Variants in MAP3K7 observed in about 807,000 individuals in gnomAD.
MAP3K7 encodes the protein TGF-beta activated kinase 1.
In MAP3K7, 21 loss-of-function variants were observed where a neutral mutation model predicts 84.8. The ratio of observed to expected loss-of-function variants is 0.25; its 90% confidence interval spans 0.18 to 0.36. MAP3K7 has a LOEUF of 0.36. Ranked by LOEUF, MAP3K7 falls within the 10% of genes least tolerant of loss-of-function variation. The pLI is 1.00. For synonymous variants in MAP3K7, 241 were observed against 247.7 expected (o/e 0.97, Z 0.25); for missense variants, 503 against 747.7 (o/e 0.67, Z 3.82).
chr6:90,546,340 T>C (rs1476170166), intron 11 of MAP3K7, among the ~76,000 whole-genome samples: 3 of 152,066 alleles, frequency 2.0e-5, no homozygotes, highest in Non-Finnish European at 4.4e-5. Context: ...GTTAGCTAAG[T>C]TAAAAAAGAT....
chr6:90,561,574 TC>T, intron 4 of MAP3K7, 47 bp downstream of exon 4: 4 of 1,410,218 alleles, frequency 2.8e-6, no homozygotes, highest in Non-Finnish European at 3.9e-6. Flanking sequence ...TTAAAATTTT[TC>T]AAATTATTTT....
chr6:90,559,721 G>C (rs973341790), intron 5 of MAP3K7, among the ~76,000 whole-genome samples: 3 of 152,154 alleles, frequency 2.0e-5, no homozygotes, highest in Admixed American at 2.0e-4. Flanking sequence ...AGGTGTTAGG[G>C]ACACAGCAAG....
intron 3 of MAP3K7, among the ~76,000 whole-genome samples, chr6:90,567,380 A>C (rs1582226840): frequency 6.6e-6 from 1 of 152,222 alleles, no homozygotes; most frequent in Non-Finnish European, 1.5e-5. Flanking sequence ...AAAATCAAAC[A>C]ACCCCATCAA....
chr6:90,516,450 TA>T lies in MAP3K7; in HGVS notation c.*50del, dbSNP rs200763682. ...CGTCATTATAAGGTTTTCCTTTCCT[TA>T]AAAAAAAAGTCTTTCTTTGCATATT... On this transcript the variant is annotated 3_prime_UTR_variant, in exon 17 of 17. Transcript: ENST00000369329. The T allele has an allele frequency of 3.8e-4, 578 of 1,532,832 alleles. 1 individual carries two copies. The highest frequency in any genetic ancestry group is 8.5e-4 in the Admixed American group (43 of 50,866). The allele number at this position is 1,532,832 out of a possible 1,614,324, so 95.0% of individuals were successfully genotyped here.
intron 2 of MAP3K7, among the ~76,000 whole-genome samples, chr6:90,569,420 T>C (rs1297798102): frequency 4.6e-5 from 7 of 152,198 alleles, no homozygotes; most frequent in Admixed American, 3.3e-4. Flanking sequence ...CAATGATCCA[T>C]ACAGAGGTCA....
chr6:90,556,603 C>A lies in MAP3K7; in HGVS notation c.504G>T (p.Gly168=), dbSNP rs35084747. ...KPPNLLLVAG[G]TVLKICDFGT... ...CAAAATCACAAATTTTTAGAACTGTCCCCCCTGCAACCAGCAGTAAGCTGT... is the reference window on the plus strand; with the variant it reads ...CAAAATCACAAATTTTTAGAACTGTACCCCCTGCAACCAGCAGTAAGCTGT... Residue 168 remains glycine, a synonymous_variant, in exon 6 of 17, where the codon GGG becomes GGT. Transcript: ENST00000369329. The A allele has an allele frequency of 3.1e-6, 5 of 1,608,830 alleles. No individual in the cohort carries two copies. Among genetic ancestry groups the A allele is most frequent in the Non-Finnish European group, 8.5e-7 (1 of 1,177,816 alleles).
At chr6:90,539,780 T>C (rs1192481651) in intron 12 of MAP3K7, among the ~76,000 whole-genome samples, 2 of 151,856 alleles carry the variant, frequency 1.3e-5, no homozygotes, top group Non-Finnish European at 2.9e-5. Flanking sequence ...CTAGATAATT[T>C]ATTTGCCAAT....
In MAP3K7 at chr6:90,516,799, G is replaced by A; in HGVS notation, c.1641-118C>T. 4.1e-6 allele frequency: 3 copies of A among 740,520 alleles called. No homozygotes were observed. The South Asian group carries it at 6.2e-5, about 15-fold the overall frequency. 45.9% of individuals were successfully genotyped at this position (740,520 alleles called of 1,614,324 possible). A position where few individuals can be genotyped will look rare whatever the true frequency, so the allele number is the denominator to read the frequency against. On this transcript the variant is annotated intron_variant, in intron 16 of 16. Coordinates refer to ENST00000369329, the MANE Select transcript of MAP3K7 (RefSeq NM_145331.3). The stretch of plus-strand genomic sequence containing the variant: ...CTTGGTTTATCATTTTGCATCTTAG[G>A]TACACTAATCAAATATAATTATGGG...
At chr6:90,575,510 C>T (rs943988600) in intron 1 of MAP3K7, among the ~76,000 whole-genome samples, 4 of 152,136 alleles carry the variant, frequency 2.6e-5, no homozygotes, top group Non-Finnish European at 5.9e-5. Context: ...AAGGGAGGCC[C>T]TAACCCGGGT....
chr6:90,523,296 G>C (rs1203819509), intron 14 of MAP3K7, among the ~76,000 whole-genome samples: 1 of 151,480 alleles, frequency 6.6e-6, no homozygotes. Context: ...AAGATGATGG[G>C]GATGATTTTT....
intron 13 of MAP3K7, among the ~76,000 whole-genome samples, chr6:90,534,088 T>C (rs958537083): frequency 3.9e-5 from 6 of 152,182 alleles, no homozygotes; most frequent in African/African-American, 1.2e-4. Flanking sequence ...AGTTTACAGA[T>C]GGAAATTCTA....
At chr6:90,547,175 A>T in intron 11 of MAP3K7, 83 bp downstream of exon 11, 1 of 1,515,902 alleles carries the variant, frequency 6.6e-7, no homozygotes, top group Non-Finnish European at 8.9e-7. Context: ...AGACACACAC[A>T]AAAAACCTTT....
chr6:90,568,457 C>T, intron 3 of MAP3K7, 101 bp downstream of exon 3: 6 of 868,982 alleles, frequency 6.9e-6, no homozygotes, highest in Non-Finnish European at 1.1e-5. Context: ...TTTTGAAAAA[C>T]TTAAAAAAAA....
At chr6:90,582,041 T>C (rs533576299) in intron 1 of MAP3K7, among the ~76,000 whole-genome samples, 108 of 152,328 alleles carry the variant, frequency 7.1e-4, no homozygotes, top group African/African-American at 2.2e-3. Context: ...TCCTACACTA[T>C]AGTTGAGGTC....
At chr6:90,568,503 C>G (rs112216759) in intron 3 of MAP3K7, 55 bp downstream of exon 3, 1 of 1,421,052 alleles carries the variant, frequency 7.0e-7, no homozygotes, top group East Asian at 2.3e-5. Context: ...AAACTACACA[C>G]ACACATCTGC....
At chr6:90,582,549 T>C (rs978554646) in intron 1 of MAP3K7, among the ~76,000 whole-genome samples, 1 of 152,164 alleles carries the variant, frequency 6.6e-6, no homozygotes, top group Non-Finnish European at 1.5e-5. Context: ...TTAATAACAT[T>C]TGAGGTGGGA....
At chr6:90,521,791 G>C (rs9353735) in intron 14 of MAP3K7, among the ~76,000 whole-genome samples, 11 of 151,662 alleles carry the variant, frequency 7.3e-5, no homozygotes, top group African/African-American at 2.7e-4. Flanking sequence ...GTGTCTTTTT[G>C]AATACCCATT....
rs376576686 is a variant in MAP3K7, at chr6:90,550,596, A to G, written c.868-47T>C. 8.5e-6 allele frequency: 10 copies of G among 1,179,634 alleles called. No homozygotes were observed. The African/African-American group carries it at 1.4e-4, about 16-fold the overall frequency. 73.1% of individuals were successfully genotyped at this position (1,179,634 alleles called of 1,614,324 possible). On this transcript the variant is annotated intron_variant, in intron 8 of 16. Transcript: ENST00000369329. The stretch of plus-strand genomic sequence containing the variant: ...ACAGCTTAAAATTTCCTTAATACAA[A>G]TTAAATCCTGATTAATGTTTTATTT...
At chr6:90,526,491 T>C (rs935654748) in intron 13 of MAP3K7, among the ~76,000 whole-genome samples, 14 of 152,126 alleles carry the variant, frequency 9.2e-5, no homozygotes, top group African/African-American at 2.9e-4. Flanking sequence ...AAAGGGACAT[T>C]AGAAAGTACT....
Sources: gnomAD v4.1 joint callset for allele counts (sites outside exome capture counted in the v4.1 genomes callset) on GRCh38, gnomAD v4.1.1 for gene constraint, MANE v1.5 for transcripts, NCBI Gene and HGNC (gene_info 2026-07-23, HGNC 2026-07-21) for gene names.